Variants in XKR9 observed in about 807,000 individuals in gnomAD.
XKR9 encodes XK-related protein 9.
Under a neutral mutation model 32.0 loss-of-function variants are expected in XKR9, and 32 were observed. The observed-to-expected ratio is 1.00, with a 90% CI of 0.76 to 1.34. The LOEUF (loss-of-function observed/expected upper bound fraction) is 1.34, where lower values mean the gene tolerates loss of function less well. XKR9 is among the 40% of genes most tolerant of loss of function. XKR9 has a pLI of 0.00. For missense variants in XKR9, 546 were observed against 429.7 expected, an observed-to-expected ratio of 1.27 and a Z score of -2.39; for synonymous variants, 168 against 143.4, an observed-to-expected ratio of 1.17 and a Z score of -1.22.
the XKR9 span, among the ~76,000 whole-genome samples, chr8:71,065,226 C>A: frequency 6.6e-6 from 1 of 152,122 alleles, no homozygotes; most frequent in Non-Finnish European, 1.5e-5. Context: ...AATGTGACTG[C>A]ATTTGGAGAT....
At chr8:70,738,761 T>G (rs1440111794), downstream of XKR9, among the ~76,000 whole-genome samples, 1 of 152,218 alleles carries the variant, frequency 6.6e-6, no homozygotes, top group African/African-American at 2.4e-5. Flanking sequence ...TTGTTCAGTT[T>G]CCGTGTAGTT....
the XKR9 span, among the ~76,000 whole-genome samples, chr8:70,976,814 T>G: frequency 6.6e-6 from 1 of 152,346 alleles, no homozygotes; most frequent in Admixed American, 6.5e-5. Context: ...TGTTTGTACC[T>G]GTGGTAGAAT....
the XKR9 span, among the ~76,000 whole-genome samples, chr8:70,876,055 G>T: frequency 6.6e-6 from 1 of 152,056 alleles, no homozygotes; most frequent in Admixed American, 6.6e-5. Flanking sequence ...TAAAACATTG[G>T]ATTCTTAGAG....
intron 4 of XKR9, among the ~76,000 whole-genome samples, chr8:70,708,205 A>G (rs1805787660): frequency 1.3e-5 from 2 of 152,032 alleles, no homozygotes; most frequent in South Asian, 2.1e-4. Flanking sequence ...ATTGGGTTCT[A>G]TATGATACGG....
chr8:70,905,122 T>C, the XKR9 span, among the ~76,000 whole-genome samples: 4 of 152,134 alleles, frequency 2.6e-5, no homozygotes, highest in African/African-American at 9.7e-5. Flanking sequence ...TCTGGAGGAG[T>C]ATCTTTGTGG....
chr8:71,061,673 A>G, the XKR9 span, among the ~76,000 whole-genome samples: 1 of 152,198 alleles, frequency 6.6e-6, no homozygotes, highest in Non-Finnish European at 1.5e-5. Context: ...ATGGCAGAGC[A>G]GGAGATTCTA....
At chr8:70,771,893 C>G (rs1807458946) in intron 2 of XKR9, among the ~76,000 whole-genome samples, 1 of 152,038 alleles carries the variant, frequency 6.6e-6, no homozygotes, top group South Asian at 2.1e-4. Flanking sequence ...GACAAAATTT[C>G]TGGAAGGATT....
chr8:70,693,569 G>T (rs1299173381), intron 3 of XKR9, among the ~76,000 whole-genome samples: 1 of 152,174 alleles, frequency 6.6e-6, no homozygotes, highest in Non-Finnish European at 1.5e-5. Context: ...CCTTCTCCAG[G>T]TTAGAGGCAG....
the XKR9 span, among the ~76,000 whole-genome samples, chr8:71,000,281 A>G: frequency 6.6e-6 from 1 of 152,214 alleles, no homozygotes; most frequent in Non-Finnish European, 1.5e-5. Context: ...GCTTTCAAAT[A>G]TAATTGATCT....
At chr8:70,978,158 G>A in the XKR9 span, among the ~76,000 whole-genome samples, 85,670 of 151,870 alleles carry the variant, frequency 0.56, 25,158 homozygotes, top group African/African-American at 0.62. Flanking sequence ...TCCTGAATAC[G>A]GCACACTGGT....
At chr8:70,901,944 G>A in the XKR9 span, among the ~76,000 whole-genome samples, 3 of 152,060 alleles carry the variant, frequency 2.0e-5, no homozygotes, top group African/African-American at 4.8e-5. Flanking sequence ...GTTTTTGTCA[G>A]GTTTGTCAAA....
At position 70,733,819 on chromosome 8, in the gene XKR9, T is replaced by G. The variant is rs1806755223; in HGVS notation, c.517T>G (p.Cys173Gly). Residue 173 changes from cysteine (C) to glycine (G), a missense_variant, in exon 5 of 5, where the codon TGT becomes GGT. Transcript: ENST00000408926. ...SQYAAIMVSC[C>G]AISWSTVDYQ... ...AGATGCGGCCATCATGGTCTCTTGCTGTGCTATTTCTTGGTCAACTGTTGA... is the reference window on the plus strand; with the variant it reads ...AGATGCGGCCATCATGGTCTCTTGCGGTGCTATTTCTTGGTCAACTGTTGA... The G allele has an allele frequency of 6.3e-7, 1 of 1,583,758 alleles. No homozygotes were observed. The highest frequency in any genetic ancestry group is 8.5e-7 in the Non-Finnish European group (1 of 1,170,570).
chr8:70,853,213 C>T, the XKR9 span, among the ~76,000 whole-genome samples: 2 of 151,744 alleles, frequency 1.3e-5, no homozygotes, highest in Non-Finnish European at 2.9e-5. Context: ...CTGAACTCAT[C>T]AAGATAGAGA....
At chr8:70,947,350 G>T in the XKR9 span, among the ~76,000 whole-genome samples, 3 of 152,172 alleles carry the variant, frequency 2.0e-5, no homozygotes, top group Admixed American at 6.5e-5. Flanking sequence ...TGCCTTCAGG[G>T]TGACCATGTG....
At chr8:70,926,235 C>T in the XKR9 span, among the ~76,000 whole-genome samples, 2 of 152,044 alleles carry the variant, frequency 1.3e-5, no homozygotes, top group African/African-American at 4.8e-5. Context: ...GCACCATGCC[C>T]GGCTTTTGTA....
intron 2 of XKR9, chr8:70,677,937 A>ATTAG (rs1818936579): frequency 1.3e-5 from 2 of 152,376 alleles, no homozygotes; most frequent in East Asian, 3.8e-4. Context: ...TAAGAATGAT[A>ATTAG]TTAGAACAGG....
intron 2 of XKR9, among the ~76,000 whole-genome samples, chr8:70,786,261 G>A (rs767320449): frequency 6.6e-6 from 1 of 151,914 alleles, no homozygotes; most frequent in Non-Finnish European, 1.5e-5. Flanking sequence ...GCTGTTGGAT[G>A]GAATATTCTA....
downstream of XKR9, among the ~76,000 whole-genome samples, chr8:70,791,012 A>G (rs886746429): frequency 2.0e-5 from 3 of 152,014 alleles, no homozygotes; most frequent in South Asian, 6.2e-4. Context: ...TCATGACCTA[A>G]TTACCTCCCA....
the XKR9 span, among the ~76,000 whole-genome samples, chr8:70,988,250 T>C: frequency 6.6e-6 from 1 of 152,070 alleles, no homozygotes; most frequent in African/African-American, 2.4e-5. Context: ...GACTTCCTTT[T>C]TCTTGAGAAG....
Sources: gnomAD v4.1 joint callset for allele counts (sites outside exome capture counted in the v4.1 genomes callset) on GRCh38, gnomAD v4.1.1 for gene constraint, MANE v1.5 for transcripts, NCBI Gene and HGNC (gene_info 2026-07-23, HGNC 2026-07-21) for gene names.